LRRTM4: variants seen among roughly 807,000 people sequenced by gnomAD.
LRRTM4 encodes leucine-rich repeat transmembrane neuronal protein 4.
A neutral mutation model predicts 47.6 loss-of-function variants in LRRTM4; 25 were observed. That is an observed-to-expected ratio of 0.53 (90% CI 0.38 to 0.73). The LOEUF (loss-of-function observed/expected upper bound fraction) is 0.73. Ranked by LOEUF, LRRTM4 falls within the 30% of genes least tolerant of loss-of-function variation. The pLI is 0.00. For missense variants in LRRTM4, 638 were observed against 713.4 expected, an observed-to-expected ratio of 0.89 and a Z score of 1.20; for synonymous variants, 311 against 269.5, an observed-to-expected ratio of 1.15 and a Z score of -1.51.
intron 3 of LRRTM4, among the ~76,000 whole-genome samples, chr2:77,192,867 A>C (rs932569316): frequency 6.6e-6 from 1 of 152,222 alleles, no homozygotes; most frequent in Admixed American, 6.5e-5. Context: ...CTATTAGCAC[A>C]GTAGCACAAA....
chr2:77,009,040 G>A (rs1190266679), intron 3 of LRRTM4: 1 of 151,926 alleles, frequency 6.6e-6, no homozygotes, highest in African/African-American at 2.4e-5. Context: ...AACCCCTGGA[G>A]TTTTACAATC....
chr2:76,837,325 A>C (rs1212886509), intron 3 of LRRTM4, among the ~76,000 whole-genome samples: 1 of 152,020 alleles, frequency 6.6e-6, no homozygotes, highest in Non-Finnish European at 1.5e-5. Context: ...CCTTTCAAAA[A>C]ACCAGCTCCT....
chr2:77,138,722 C>T (rs1354392216), intron 3 of LRRTM4, among the ~76,000 whole-genome samples: 1 of 151,936 alleles, frequency 6.6e-6, no homozygotes, highest in Non-Finnish European at 1.5e-5. Context: ...TGATAGACCA[C>T]TAGCAAGACT....
chr2:77,013,787 T>A (rs980538796), intron 3 of LRRTM4, among the ~76,000 whole-genome samples: 3 of 152,148 alleles, frequency 2.0e-5, no homozygotes, highest in African/African-American at 7.2e-5. Flanking sequence ...AATATTGAAA[T>A]TTTTAAGAGT....
chr2:76,971,527 C>G (rs1379177744), intron 3 of LRRTM4, among the ~76,000 whole-genome samples: 2 of 152,028 alleles, frequency 1.3e-5, no homozygotes, highest in Non-Finnish European at 2.9e-5. Flanking sequence ...GTGTCTGTCT[C>G]ACAGGATAAT....
Position 76,963,149 on chromosome 2 carries a change from A to G in LRRTM4, c.1552-214233T>C, listed in dbSNP as rs542902663. On this transcript the variant is annotated intron_variant, in intron 3 of 3. Coordinates refer to ENST00000409884, the MANE Select transcript of LRRTM4 (RefSeq NM_001134745.3). ...ATTTTCAACTTAATGACCTTACTCA[A>G]TGTAAAAAATGTATTATAAAAATTT... 2.1e-4 allele frequency among the ~76,000 whole-genome samples: 31 copies of G among 151,088 alleles called. No individual in the cohort carries two copies. The South Asian group carries it at 3.1e-3, about 15-fold the overall frequency.
chr2:77,310,366 C>A (rs1202565594), intron 3 of LRRTM4, among the ~76,000 whole-genome samples: 3 of 151,778 alleles, frequency 2.0e-5, no homozygotes, highest in Admixed American at 6.6e-5. Context: ...AGCAAAGAAC[C>A]AAAATCTTTG....
At chr2:76,849,837 A>T (rs1024370868) in intron 3 of LRRTM4, among the ~76,000 whole-genome samples, 4 of 152,018 alleles carry the variant, frequency 2.6e-5, no homozygotes, top group East Asian at 1.9e-4. Context: ...ATTTTTTTTT[A>T]AAAAGTAAGT....
chr2:77,070,195 GCCA>G (rs1312409613), intron 3 of LRRTM4, among the ~76,000 whole-genome samples: 2 of 152,068 alleles, frequency 1.3e-5, no homozygotes, highest in African/African-American at 4.8e-5. Flanking sequence ...AGATAAAAAT[GCCA>G]CCAAATTCAT....
At position 77,518,676 on chromosome 2, in the gene LRRTM4, G is replaced by C. The variant is rs903972782; in HGVS notation, c.1193C>G (p.Thr398Ser). The C allele has an allele frequency of 6.2e-7, 1 of 1,613,450 alleles. No individual in the cohort carries two copies. ...TGGGGAAGGGCTTGGTGTTTCAAAG[G>C]TGGATTGGGTGACGTCAGGTTTGAA... ...TIFKPDVTQS[T>S]FETPSPSPGF... The change falls in exon 3 of 4, where the codon ACC (threonine) becomes AGC (serine). Residue 398 changes from threonine to serine, a missense_variant. Physicochemically the swap from Thr to Ser is moderately conservative, Grantham distance 58. Transcript: ENST00000409884.
At chr2:77,320,821 T>C (rs958023069) in intron 3 of LRRTM4, among the ~76,000 whole-genome samples, 4 of 152,094 alleles carry the variant, frequency 2.6e-5, no homozygotes, top group African/African-American at 9.7e-5. Flanking sequence ...TGTGAATCTA[T>C]ATGTAATGGG....
intron 3 of LRRTM4, among the ~76,000 whole-genome samples, chr2:76,839,472 A>G (rs1671610809): frequency 6.6e-6 from 1 of 152,170 alleles, no homozygotes; most frequent in South Asian, 2.1e-4. Flanking sequence ...TTGAAAATTT[A>G]CAAGCAATAT....
intron 3 of LRRTM4, among the ~76,000 whole-genome samples, chr2:76,975,689 G>A (rs1676395144): frequency 6.6e-6 from 1 of 151,636 alleles, no homozygotes; most frequent in Non-Finnish European, 1.5e-5. Context: ...AAACATTGAG[G>A]AGACAAAAAA....
At chr2:77,397,515 T>G (rs1291191780) in intron 3 of LRRTM4, among the ~76,000 whole-genome samples, 2 of 151,762 alleles carry the variant, frequency 1.3e-5, no homozygotes, top group Non-Finnish European at 2.9e-5. Context: ...AAAAAGTAAT[T>G]TATCAATCTA....
At chr2:77,450,246 TC>T (rs1484611775) in intron 3 of LRRTM4, among the ~76,000 whole-genome samples, 2 of 151,622 alleles carry the variant, frequency 1.3e-5, no homozygotes, top group African/African-American at 4.8e-5. Context: ...ATTAAAACTC[TC>T]CTCTTTCTCT....
chr2:77,481,529 G>A (rs1363370724), intron 3 of LRRTM4, among the ~76,000 whole-genome samples: 2 of 152,010 alleles, frequency 1.3e-5, no homozygotes, highest in Non-Finnish European at 2.9e-5. Context: ...CAAAAATAGT[G>A]GTTCTCTAAC....
At chr2:77,522,070 C>A in intron 1 of LRRTM4, 39 bp downstream of exon 1, 3 of 715,092 alleles carry the variant, frequency 4.2e-6, no homozygotes, top group South Asian at 1.5e-5. Flanking sequence ...ACCAACTTCT[C>A]TGTAAAAAGA....
At chr2:77,125,016 T>G (rs1016914741) in intron 3 of LRRTM4, among the ~76,000 whole-genome samples, 1 of 152,212 alleles carries the variant, frequency 6.6e-6, no homozygotes, top group African/African-American at 2.4e-5. Flanking sequence ...CTTTCTCTAT[T>G]TTTGAATCAT....
intron 3 of LRRTM4, among the ~76,000 whole-genome samples, chr2:77,268,967 TG>T (rs1207856046): frequency 5.3e-5 from 8 of 152,190 alleles, no homozygotes; most frequent in Non-Finnish European, 1.0e-4. Context: ...ATACCTTTTT[TG>T]CACAGGCCTT....
Sources: allele counts gnomAD v4.1 joint callset (sites outside exome capture counted in the v4.1 genomes callset), GRCh38; gene constraint gnomAD v4.1.1; transcripts MANE v1.5; gene names NCBI Gene and HGNC (gene_info 2026-07-23, HGNC 2026-07-21).